RNF4: variants seen among roughly 807,000 people sequenced by gnomAD.
The protein encoded by RNF4 is ring finger protein 4, also known as E3 ubiquitin-protein ligase RNF4.
A neutral mutation model predicts 24.3 loss-of-function variants in RNF4; 7 were observed. The observed-to-expected ratio is 0.29, with a 90% CI of 0.16 to 0.54. The LOEUF (loss-of-function observed/expected upper bound fraction) is 0.54. Among genes scored for constraint, RNF4 ranks in the 20% least tolerant of loss-of-function variants. The pLI is 0.95. For missense variants in RNF4, 209 were observed against 248.5 expected (o/e 0.84, Z 1.07); for synonymous variants, 83 against 84.3 (o/e 0.98, Z 0.09).
chr4:2,513,641 C>CG (rs747611401), intron 7 of RNF4, 29 bp from the exon 8 acceptor site: 1 of 1,611,400 alleles, frequency 6.2e-7, no homozygotes, highest in Admixed American at 1.7e-5. Context: ...AGGGCAAACT[C>CG]GGAGGCTCTT....
intron 4 of RNF4, among the ~76,000 whole-genome samples, chr4:2,506,564 T>C (rs1464254705): frequency 2.0e-5 from 3 of 151,748 alleles, no homozygotes; most frequent in Admixed American, 6.6e-5. Context: ...TTTTTCTTCT[T>C]CTTCTTCTTT....
chr4:2,481,891 G>A (rs977313474), intron 1 of RNF4, among the ~76,000 whole-genome samples: 7 of 152,056 alleles, frequency 4.6e-5, no homozygotes, highest in Non-Finnish European at 5.9e-5. Context: ...GTATTTTTTT[G>A]TAGAGACAGG....
intron 1 of RNF4, among the ~76,000 whole-genome samples, chr4:2,479,462 G>C (rs1276064262): frequency 6.6e-6 from 1 of 152,120 alleles, no homozygotes; most frequent in Non-Finnish European, 1.5e-5. Context: ...CCCGGTGGGA[G>C]GTAATTGAAT....
intron 4 of RNF4, among the ~76,000 whole-genome samples, chr4:2,507,984 A>G (rs570858585): frequency 1.3e-5 from 2 of 152,116 alleles, no homozygotes; most frequent in South Asian, 4.1e-4. Flanking sequence ...CCCCAGGAGT[A>G]CTGGGACTAC....
intron 1 of RNF4, among the ~76,000 whole-genome samples, chr4:2,485,655 C>A (rs1350775238): frequency 6.6e-6 from 1 of 152,142 alleles, no homozygotes; most frequent in Non-Finnish European, 1.5e-5. Context: ...TCCTGACCAT[C>A]CCCAGTTAGG....
At chr4:2,504,756 G>A (rs888378748) in intron 4 of RNF4, among the ~76,000 whole-genome samples, 5 of 121,356 alleles carry the variant, frequency 4.1e-5, no homozygotes, top group Non-Finnish European at 3.2e-5. Flanking sequence ...TTGAGACAGA[G>A]TCTCACTCTG....
intron 2 of RNF4, among the ~76,000 whole-genome samples, chr4:2,493,718 T>G (rs1735648140): frequency 8.2e-6 from 1 of 121,512 alleles, no homozygotes; most frequent in African/African-American, 3.3e-5. Flanking sequence ...CACTCCTGCC[T>G]GAGCAACAGA....
intron 4 of RNF4, among the ~76,000 whole-genome samples, chr4:2,509,168 C>T (rs1407413991): frequency 2.0e-5 from 3 of 151,784 alleles, no homozygotes; most frequent in East Asian, 3.9e-4. Flanking sequence ...TTCTGCCCGC[C>T]TCTGCCTCCC....
intron 7 of RNF4, 45 bp downstream of exon 7, chr4:2,513,176 T>G: frequency 6.4e-7 from 1 of 1,567,872 alleles, no homozygotes; most frequent in African/African-American, 1.4e-5. Flanking sequence ...GTTTCTAAAC[T>G]TCACTGAAAG....
intron 4 of RNF4, among the ~76,000 whole-genome samples, chr4:2,504,266 C>T (rs1188539411): frequency 2.0e-5 from 3 of 152,182 alleles, no homozygotes; most frequent in South Asian, 2.1e-4. Context: ...TGCTGTGTCC[C>T]GAGGTGTGAG....
chr4:2,492,649 A>G (rs1735615832), intron 2 of RNF4, among the ~76,000 whole-genome samples: 1 of 152,148 alleles, frequency 6.6e-6, no homozygotes, highest in South Asian at 2.1e-4. Context: ...GTCAGAGGGA[A>G]CAGTGATGGA....
chr4:2,490,407 G>C lies in RNF4; in HGVS notation c.-87G>C. 1.4e-6 allele frequency: 2 copies of C among 1,386,232 alleles called. No homozygotes were observed. The highest frequency in any genetic ancestry group is 2.0e-6 in the Non-Finnish European group (2 of 991,784). 85.9% of individuals were successfully genotyped at this position (1,386,232 alleles called of 1,614,324 possible). Reference sequence around the variant, plus strand: ...AGCCAGATGAGTAACCAGAGGGCATGAAAGGTTGAGAACATTTGACTTCCC... The same window carrying C: ...AGCCAGATGAGTAACCAGAGGGCATCAAAGGTTGAGAACATTTGACTTCCC... On this transcript the variant is annotated 5_prime_UTR_variant, in exon 2 of 8. An upstream start codon of the reference 5' UTR is lost. Transcript: ENST00000314289.
In RNF4 at chr4:2,513,864, C is replaced by A. The variant is rs752816338; in HGVS notation, c.*45C>A. ...GAGAGACGGATGGACAGACAGACAGCCAGGTTCTCCAGTGGTATCTGCCTC... is the reference window on the plus strand; with the variant it reads ...GAGAGACGGATGGACAGACAGACAGACAGGTTCTCCAGTGGTATCTGCCTC... On this transcript the variant is annotated 3_prime_UTR_variant, in exon 8 of 8. Coordinates refer to ENST00000314289, the MANE Select transcript of RNF4 (RefSeq NM_002938.5). 5 of 1,610,018 alleles carry A rather than the reference C, an allele frequency of 3.1e-6. No individual in the cohort carries two copies. Among genetic ancestry groups the A allele is most frequent in the East Asian group, 4.5e-5 (2 of 44,832 alleles).
intron 1 of RNF4, among the ~76,000 whole-genome samples, chr4:2,473,284 T>C (rs1437624198): frequency 6.6e-6 from 1 of 151,718 alleles, no homozygotes; most frequent in Admixed American, 6.6e-5. Flanking sequence ...CTTGAGGAGC[T>C]GAGGTAGGTT....
At chr4:2,472,360 C>G (rs1241901261) in intron 1 of RNF4, among the ~76,000 whole-genome samples, 1 of 152,122 alleles carries the variant, frequency 6.6e-6, no homozygotes, top group African/African-American at 2.4e-5. Context: ...TGCTTAGTCA[C>G]CAAAGAGGTC....
Position 2,487,905 on chromosome 4 carries a change from C to T in RNF4, c.-157-2432C>T, listed in dbSNP as rs182044903. On this transcript the variant is annotated intron_variant, in intron 1 of 7. Transcript: ENST00000314289. ...AGTATGCCATTTTCTCAGAACCAGA[C>T]GACCAAGTGCTGAAGAAAATGCTCA... Among the ~76,000 whole-genome samples the T allele has an allele frequency of 1.6e-3, 246 of 152,276 alleles. 1 individual carries two copies. The highest frequency in any genetic ancestry group is 5.4e-3 in the African/African-American group (226 of 41,560).
rs530984839 is a variant in RNF4, at chr4:2,476,862, A to G, written c.-158+7604A>G. 1.8e-4 allele frequency among the ~76,000 whole-genome samples: 27 copies of G among 146,734 alleles called. 1 individual carries two copies. Among genetic ancestry groups the G allele is most frequent in the Admixed American group, 3.4e-4 (5 of 14,736 alleles). On this transcript the variant is annotated intron_variant, in intron 1 of 7. Transcript: ENST00000314289. The stretch of plus-strand genomic sequence containing the variant: ...TCTTGTTCTTTCTCAACTCACTTCA[A>G]CCTCCACCTCCTGGGTTCAAGTGAT...
intron 1 of RNF4, among the ~76,000 whole-genome samples, chr4:2,484,266 G>C (rs1453886111): frequency 1.3e-5 from 2 of 151,922 alleles, no homozygotes; most frequent in South Asian, 2.1e-4. Context: ...ACTGGCTGCA[G>C]AGTTACGATA....
At chr4:2,504,179 T>C (rs1232516586) in intron 4 of RNF4, among the ~76,000 whole-genome samples, 1 of 152,250 alleles carries the variant, frequency 6.6e-6, no homozygotes, top group Non-Finnish European at 1.5e-5. Flanking sequence ...GTGAGAGACT[T>C]TGTTCATCTC....
Sources: allele counts gnomAD v4.1 joint callset (sites outside exome capture counted in the v4.1 genomes callset), GRCh38; gene constraint gnomAD v4.1.1; transcripts MANE v1.5; gene names NCBI Gene and HGNC (gene_info 2026-07-23, HGNC 2026-07-21).